The following TNFRSF19 variants were observed in gnomAD, a reference collection of about 807,000 sequenced individuals.
TNFRSF19 encodes tumor necrosis factor receptor superfamily member 19.
In TNFRSF19, 27 loss-of-function variants were observed where a neutral mutation model predicts 46.4. That is an observed-to-expected ratio of 0.58 (90% CI 0.43 to 0.80). The LOEUF (loss-of-function observed/expected upper bound fraction) is 0.80. Ranked by LOEUF, TNFRSF19 falls within the 30% of genes least tolerant of loss-of-function variation. TNFRSF19 has a pLI of 0.00. For synonymous variants in TNFRSF19, 204 were observed against 205.0 expected (o/e 1.00, Z 0.04); for missense variants, 511 against 530.8 (o/e 0.96, Z 0.37).
intron 1 of TNFRSF19, among the ~76,000 whole-genome samples, chr13:23,573,153 T>C (rs1593221177): frequency 6.6e-6 from 1 of 152,252 alleles, no homozygotes; most frequent in East Asian, 1.9e-4. Context: ...AGTCCAATGT[T>C]CTTTCCAGTC....
intron 5 of TNFRSF19, among the ~76,000 whole-genome samples, chr13:23,633,665 A>G (rs1275464588): frequency 6.6e-6 from 1 of 152,146 alleles, no homozygotes; most frequent in Non-Finnish European, 1.5e-5. Context: ...CCTGGCCGAC[A>G]TGACGAAACC....
chr13:23,571,878 T>C (rs902231319), intron 1 of TNFRSF19, among the ~76,000 whole-genome samples: 22 of 152,172 alleles, frequency 1.4e-4, no homozygotes, highest in African/African-American at 4.6e-4. Flanking sequence ...CGATGTTTTT[T>C]TTTTTAATGT....
intron 5 of TNFRSF19, among the ~76,000 whole-genome samples, chr13:23,644,411 T>A (rs1418503454): frequency 6.6e-6 from 1 of 152,154 alleles, no homozygotes; most frequent in African/African-American, 2.4e-5. Context: ...ATAAGGGGCT[T>A]TCCCCCCTTT....
chr13:23,670,153 A>G (rs1315643931), intron 9 of TNFRSF19, among the ~76,000 whole-genome samples: 4 of 152,202 alleles, frequency 2.6e-5, no homozygotes, highest in African/African-American at 9.7e-5. Context: ...AGATCAGTTC[A>G]TAAGTTACAT....
chr13:23,665,518 G>A (rs1951612296), intron 7 of TNFRSF19, among the ~76,000 whole-genome samples: 2 of 151,924 alleles, frequency 1.3e-5, no homozygotes, highest in Admixed American at 1.3e-4. Flanking sequence ...CATAATTACA[G>A]AAATATCGAA....
intron 7 of TNFRSF19, among the ~76,000 whole-genome samples, chr13:23,664,557 A>G (rs900342709): frequency 2.0e-5 from 3 of 152,164 alleles, no homozygotes; most frequent in Admixed American, 2.0e-4. Context: ...GTTATCACCC[A>G]TGGAAGCAAA....
chr13:23,634,051 C>G (rs1882528094), intron 5 of TNFRSF19, among the ~76,000 whole-genome samples: 1 of 152,156 alleles, frequency 6.6e-6, no homozygotes, highest in Admixed American at 6.5e-5. Flanking sequence ...TCAGAAAATT[C>G]TTTAAAAAGT....
intron 5 of TNFRSF19, among the ~76,000 whole-genome samples, chr13:23,657,378 G>C (rs896721176): frequency 2.0e-5 from 3 of 152,180 alleles, no homozygotes; most frequent in Non-Finnish European, 2.9e-5. Flanking sequence ...AAAGGCACCA[G>C]ATGACAAATT....
chr13:23,661,027 G>A (rs1007151861), intron 7 of TNFRSF19, among the ~76,000 whole-genome samples: 1 of 152,162 alleles, frequency 6.6e-6, no homozygotes, highest in Non-Finnish European at 1.5e-5. Context: ...TGGGCAAATA[G>A]GGGCAAAGGT....
chr13:23,576,975 T>C (rs1289343378), intron 1 of TNFRSF19, among the ~76,000 whole-genome samples: 3 of 152,222 alleles, frequency 2.0e-5, no homozygotes, highest in Non-Finnish European at 4.4e-5. Flanking sequence ...CTAGGCATTG[T>C]AAGAGGATAT....
In TNFRSF19 at chr13:23,571,798, C is replaced by T. The variant is rs1349293135; in HGVS notation, c.-35+950C>T. 2.0e-5 allele frequency among the ~76,000 whole-genome samples: 3 copies of T among 151,856 alleles called. No individual in the cohort carries two copies. The East Asian group carries it at 5.8e-4, about 29-fold the overall frequency. ...ACACACACTCACGCTCACACACACA[C>T]ACAGTAAAATCTTTACAGTGAAATA... On this transcript the variant is annotated intron_variant, in intron 1 of 9. Coordinates refer to ENST00000248484, the MANE Select transcript of TNFRSF19 (RefSeq NM_148957.4).
intron 1 of TNFRSF19, among the ~76,000 whole-genome samples, chr13:23,582,801 G>A (rs1456623214): frequency 6.6e-6 from 1 of 152,188 alleles, no homozygotes; most frequent in East Asian, 1.9e-4. Context: ...TCATATAAAT[G>A]TAATCGTATA....
chr13:23,650,721 T>A (rs1359798405), intron 5 of TNFRSF19, among the ~76,000 whole-genome samples: 2 of 152,190 alleles, frequency 1.3e-5, no homozygotes, highest in Non-Finnish European at 2.9e-5. Flanking sequence ...AAATCTTATG[T>A]CTATTTTACT....
chr13:23,650,972 C>A (rs924953700), intron 5 of TNFRSF19, among the ~76,000 whole-genome samples: 1 of 152,154 alleles, frequency 6.6e-6, no homozygotes, highest in African/African-American at 2.4e-5. Context: ...TGTTTATTGG[C>A]AGACTCTATA....
intron 3 of TNFRSF19, among the ~76,000 whole-genome samples, chr13:23,614,887 C>A (rs1881164205): frequency 6.6e-6 from 1 of 151,966 alleles, no homozygotes; most frequent in Non-Finnish European, 1.5e-5. Context: ...TACATAACTT[C>A]TCTGACGCTC....
intron 4 of TNFRSF19, among the ~76,000 whole-genome samples, chr13:23,623,208 C>CT (rs2138279496): frequency 6.6e-6 from 1 of 152,322 alleles, no homozygotes; most frequent in African/African-American, 2.4e-5. Context: ...CATTCAGTAT[C>CT]TGTCTTTTTA....
At chr13:23,654,840 A>G (rs773678249) in intron 5 of TNFRSF19, among the ~76,000 whole-genome samples, 3 of 152,146 alleles carry the variant, frequency 2.0e-5, no homozygotes, top group Non-Finnish European at 4.4e-5. Flanking sequence ...AACGCTCACC[A>G]CTTTACCTAG....
Position 23,626,672 on chromosome 13 carries a change from A to G in TNFRSF19, c.360-35A>G, listed in dbSNP as rs111560496. 1,759 of 1,599,372 alleles carry G rather than the reference A, an allele frequency of 1.1e-3. 19 individuals are homozygous for G. The African/African-American group carries it at 0.02, about 18-fold the overall frequency. ...GACCACAACTGTAAGCTTAGATGAA[A>G]GAGTTAACAAGGAGTATTTTCCTTT... On this transcript the variant is annotated intron_variant, in intron 4 of 9. Coordinates refer to ENST00000248484, the MANE Select transcript of TNFRSF19 (RefSeq NM_148957.4).
chr13:23,604,000 C>A lies in TNFRSF19; in HGVS notation c.180+10545C>A, dbSNP rs77229475. Among the ~76,000 whole-genome samples, 1,265 of 151,740 alleles carry A rather than the reference C, an allele frequency of 8.3e-3. 27 individuals carry two copies. The highest frequency in any genetic ancestry group is 0.076 in the East Asian group (394 of 5,162). ...ATCATACAAGAAATCCTACCTCATG[C>A]ACCAAGACAAAATAAAAAAAAAGAA... On this transcript the variant is annotated intron_variant, in intron 3 of 9. Transcript: ENST00000248484.
Sources: allele counts gnomAD v4.1 joint callset (sites outside exome capture counted in the v4.1 genomes callset), GRCh38; gene constraint gnomAD v4.1.1; transcripts MANE v1.5; gene names NCBI Gene and HGNC (gene_info 2026-07-23, HGNC 2026-07-21).